LRP1B: variants seen among roughly 807,000 people sequenced by gnomAD.
LRP1B encodes LDL receptor related protein 1B, also known as low-density lipoprotein receptor-related protein 1B.
In LRP1B, 217 loss-of-function variants were observed where a neutral mutation model predicts 556.6. That is an observed-to-expected ratio of 0.39 (90% confidence interval 0.35 to 0.44). The LOEUF (loss-of-function observed/expected upper bound fraction) is 0.44, where lower values mean the gene tolerates loss of function less well. Ranked by LOEUF, LRP1B falls within the 20% of genes least tolerant of loss-of-function variation. The pLI, the probability that LRP1B is intolerant of heterozygous loss-of-function variation, is 1.00. For synonymous variants in LRP1B, 2,047 were observed against 1,865.8 expected (o/e 1.10, Z -2.50); for missense variants, 5,053 against 5,620.8 (o/e 0.90, Z 3.23).
intron 1 of LRP1B, among the ~76,000 whole-genome samples, chr2:141,951,199 T>C (rs1239017484): frequency 6.6e-6 from 1 of 152,220 alleles, no homozygotes; most frequent in African/African-American, 2.4e-5. Flanking sequence ...CACTATTTTT[T>C]ATTTCAATAG....
At chr2:141,370,374 T>C (rs116407062) in intron 3 of LRP1B, among the ~76,000 whole-genome samples, 3,049 of 152,292 alleles carry the variant, frequency 0.02, 114 homozygotes, top group African/African-American at 0.07. Context: ...TCATTGTGGT[T>C]TTAGTTCACA....
chr2:140,370,563 C>T, intron 71 of LRP1B, 147 bp downstream of exon 71: 1 of 1,135,482 alleles, frequency 8.8e-7, no homozygotes, highest in Non-Finnish European at 1.2e-6. Context: ...CATATTTAGA[C>T]CAGGCTGCTA....
intron 2 of LRP1B, among the ~76,000 whole-genome samples, chr2:141,693,805 T>C (rs1273922096): frequency 1.3e-5 from 2 of 152,058 alleles, no homozygotes; most frequent in East Asian, 3.9e-4. Context: ...ACTCTGCTTT[T>C]CCCACATTCT....
At chr2:141,794,132 T>A (rs907366676) in intron 2 of LRP1B, among the ~76,000 whole-genome samples, 1 of 151,928 alleles carries the variant, frequency 6.6e-6, no homozygotes, top group Non-Finnish European at 1.5e-5. Context: ...AGAAAGAAAG[T>A]AACTTTTCCC....
At chr2:141,983,156 T>C (rs1421658954) in intron 1 of LRP1B, among the ~76,000 whole-genome samples, 2 of 143,688 alleles carry the variant, frequency 1.4e-5, no homozygotes, top group East Asian at 4.2e-4. Context: ...AGGCATGGTA[T>C]AGTAAAAATA....
chr2:141,916,156 A>G (rs1296252473), intron 1 of LRP1B, among the ~76,000 whole-genome samples: 8 of 152,212 alleles, frequency 5.3e-5, no homozygotes. Context: ...AACAACAGCA[A>G]AGACATAGAA....
At chr2:141,739,820 C>A (rs769847086) in intron 2 of LRP1B, among the ~76,000 whole-genome samples, 2 of 151,958 alleles carry the variant, frequency 1.3e-5, no homozygotes, top group Admixed American at 1.3e-4. Context: ...CCTGAAATAT[C>A]TTTTTCTGAC....
chr2:141,670,709 T>A (rs1690634519), intron 2 of LRP1B, among the ~76,000 whole-genome samples: 1 of 152,214 alleles, frequency 6.6e-6, no homozygotes, highest in South Asian at 2.1e-4. Context: ...GTACAGCTTA[T>A]CTGTGCAGTG....
intron 5 of LRP1B, among the ~76,000 whole-genome samples, chr2:141,238,493 A>C (rs896137726): frequency 6.6e-6 from 1 of 152,158 alleles, no homozygotes; most frequent in African/African-American, 2.4e-5. Context: ...CATTCAACAA[A>C]TACTTATTGA....
At chr2:141,280,108 A>G (rs1685454958) in intron 3 of LRP1B, among the ~76,000 whole-genome samples, 2 of 152,102 alleles carry the variant, frequency 1.3e-5, no homozygotes, top group South Asian at 4.1e-4. Context: ...AAGTAATGTT[A>G]GGAATCTGAG....
At chr2:141,749,368 C>A (rs923460930) in intron 2 of LRP1B, among the ~76,000 whole-genome samples, 5 of 152,082 alleles carry the variant, frequency 3.3e-5, no homozygotes, top group Admixed American at 2.6e-4. Context: ...TGAAAATTAA[C>A]CCCAACTTTA....
chr2:140,320,882 A>G (rs1680078974), intron 82 of LRP1B, among the ~76,000 whole-genome samples: 1 of 150,110 alleles, frequency 6.7e-6, no homozygotes, highest in Non-Finnish European at 1.5e-5. Context: ...ATCTCTACTA[A>G]AAATACACAC....
intron 79 of LRP1B, among the ~76,000 whole-genome samples, chr2:140,328,292 GCTCA>G (rs1419504767): frequency 2.0e-5 from 3 of 151,626 alleles, no homozygotes; most frequent in Non-Finnish European, 2.9e-5. Context: ...AGATACATAG[GCTCA>G]CTAAGTTTTA....
At chr2:142,066,646 A>G (rs536157807) in intron 1 of LRP1B, among the ~76,000 whole-genome samples, 1 of 151,536 alleles carries the variant, frequency 6.6e-6, no homozygotes, top group African/African-American at 2.4e-5. Flanking sequence ...CTGAGTTCTC[A>G]CTATCAGAGC....
At chr2:141,113,789 C>T (rs898811676) in intron 7 of LRP1B, among the ~76,000 whole-genome samples, 5 of 152,046 alleles carry the variant, frequency 3.3e-5, no homozygotes, top group Non-Finnish European at 7.4e-5. Context: ...TGAAAGAAGT[C>T]ATGATAATTA....
chr2:141,924,696 C>A (rs1284901740), intron 1 of LRP1B, among the ~76,000 whole-genome samples: 1 of 152,308 alleles, frequency 6.6e-6, no homozygotes, highest in Non-Finnish European at 1.5e-5. Flanking sequence ...AGCAAGCAAA[C>A]AGGTGAGCCA....
intron 7 of LRP1B, among the ~76,000 whole-genome samples, chr2:141,090,246 T>C (rs964095556): frequency 1.3e-5 from 2 of 152,174 alleles, no homozygotes; most frequent in African/African-American, 4.8e-5. Context: ...TTAATGATTA[T>C]AGAAAAATAG....
chr2:141,327,877 A>T lies in LRP1B; in HGVS notation c.344-73236T>A, dbSNP rs188235332. Reference sequence around the variant, plus strand: ...TGGGTAGGTAGATAGATAAAGAGTGAGAGAGAGAGAGAGAGAGAGAGAGAC... The same window carrying T: ...TGGGTAGGTAGATAGATAAAGAGTGTGAGAGAGAGAGAGAGAGAGAGAGAC... On this transcript the variant is annotated intron_variant, in intron 3 of 90. Transcript: ENST00000389484. Among the ~76,000 whole-genome samples the T allele has an allele frequency of 1.0e-2, 861 of 86,316 alleles. 5 individuals are homozygous for T. Among genetic ancestry groups the T allele is most frequent in the Non-Finnish European group, 0.013 (557 of 42,456 alleles). 56.6% of individuals were successfully genotyped at this position (86,316 alleles called of 152,430 possible).
At chr2:140,568,643 A>C (rs1681212585) in intron 43 of LRP1B, among the ~76,000 whole-genome samples, 1 of 152,098 alleles carries the variant, frequency 6.6e-6, no homozygotes, top group African/African-American at 2.4e-5. Flanking sequence ...GCAGATCTCA[A>C]AATATATTCA....
Sources: gnomAD v4.1 joint callset for allele counts (sites outside exome capture counted in the v4.1 genomes callset) on GRCh38, gnomAD v4.1.1 for gene constraint, MANE v1.5 for transcripts, NCBI Gene and HGNC (gene_info 2026-07-23, HGNC 2026-07-21) for gene names.